The following PRELID2 variants were observed in gnomAD, a reference collection of about 807,000 sequenced individuals.
The protein encoded by PRELID2 is PRELI domain-containing protein 2.
PRELID2 carries 25 observed loss-of-function variants against 28.4 expected under a neutral mutation model. That is an observed-to-expected ratio of 0.88 (90% confidence interval 0.64 to 1.23). PRELID2 has a LOEUF of 1.23. PRELID2 is among the 50% of genes most tolerant of loss of function. PRELID2 has a pLI of 0.00. For synonymous variants in PRELID2, 76 were observed against 71.6 expected, an observed-to-expected ratio of 1.06 and a Z score of -0.31; for missense variants, 201 against 214.4, an observed-to-expected ratio of 0.94 and a Z score of 0.39.
intron 1 of PRELID2, among the ~76,000 whole-genome samples, chr5:145,597,786 C>T (rs1561514830): frequency 1.3e-5 from 2 of 152,112 alleles, no homozygotes; most frequent in East Asian, 1.9e-4. Flanking sequence ...CATACTGCAC[C>T]TGCAAGATTT....
At chr5:145,444,560 G>T in the PRELID2 span, among the ~76,000 whole-genome samples, 1 of 151,942 alleles carries the variant, frequency 6.6e-6, no homozygotes, top group Admixed American at 6.6e-5. Flanking sequence ...TATTTGCACT[G>T]CCACTGCTCT....
the PRELID2 span, among the ~76,000 whole-genome samples, chr5:145,348,795 T>C: frequency 6.6e-6 from 1 of 152,120 alleles, no homozygotes; most frequent in Non-Finnish European, 1.5e-5. Context: ...CAATGTTGAT[T>C]TTGTGTGTAA....
At chr5:145,636,242 TAAG>T (rs145674095) in intron 1 of PRELID2, among the ~76,000 whole-genome samples, 3,059 of 152,300 alleles carry the variant, frequency 0.02, 107 homozygotes, top group African/African-American at 0.07. Context: ...GTCACTCAGC[TAAG>T]AAGTAGAAGA....
chr5:145,340,153 G>T, the PRELID2 span, among the ~76,000 whole-genome samples: 1 of 151,962 alleles, frequency 6.6e-6, no homozygotes, highest in Non-Finnish European at 1.5e-5. Context: ...CCAAATACTC[G>T]AGCATCCAAC....
chr5:145,451,292 C>T, the PRELID2 span, among the ~76,000 whole-genome samples: 1 of 152,100 alleles, frequency 6.6e-6, no homozygotes, highest in South Asian at 2.1e-4. Context: ...CTCCAACCCC[C>T]TAGCCTACCA....
chr5:145,665,263 T>G (rs1444660863), intron 1 of PRELID2, among the ~76,000 whole-genome samples: 1 of 152,088 alleles, frequency 6.6e-6, no homozygotes, highest in Non-Finnish European at 1.5e-5. Flanking sequence ...CTGAATTGTC[T>G]GGAAGAGCAG....
intron 1 of PRELID2, among the ~76,000 whole-genome samples, chr5:145,662,190 C>A (rs2149677832): frequency 6.6e-6 from 1 of 152,124 alleles, no homozygotes; most frequent in African/African-American, 2.4e-5. Context: ...ATGGGCCAAC[C>A]ATTCCTAGCT....
chr5:145,610,703 A>G (rs1372506032), intron 1 of PRELID2, among the ~76,000 whole-genome samples: 1 of 152,110 alleles, frequency 6.6e-6, no homozygotes, highest in Admixed American at 6.5e-5. Context: ...GCAGGTGTAG[A>G]AAAACAACTG....
the PRELID2 span, among the ~76,000 whole-genome samples, chr5:145,319,799 T>G: frequency 6.6e-6 from 1 of 152,216 alleles, no homozygotes; most frequent in African/African-American, 2.4e-5. Flanking sequence ...TTCTTGAAGC[T>G]GAGCACAACT....
intron 1 of PRELID2, among the ~76,000 whole-genome samples, chr5:145,525,788 G>C (rs1228244557): frequency 6.6e-6 from 1 of 152,154 alleles, no homozygotes; most frequent in Non-Finnish European, 1.5e-5. Context: ...ATTTATACTG[G>C]GGTTTGGAAT....
intron 1 of PRELID2, among the ~76,000 whole-genome samples, chr5:145,612,355 A>C (rs1335846645): frequency 6.6e-6 from 1 of 152,214 alleles, no homozygotes; most frequent in Non-Finnish European, 1.5e-5. Context: ...AAACCACAGA[A>C]TAGGAGAAAA....
the PRELID2 span, among the ~76,000 whole-genome samples, chr5:145,261,431 TC>T: frequency 6.6e-6 from 1 of 152,132 alleles, no homozygotes; most frequent in East Asian, 1.9e-4. Context: ...TCCACTTCAT[TC>T]CCCCACTACC....
intron 1 of PRELID2, among the ~76,000 whole-genome samples, chr5:145,498,707 TTTTTG>T (rs754460260): frequency 6.6e-6 from 1 of 151,976 alleles, no homozygotes; most frequent in Non-Finnish European, 1.5e-5. Flanking sequence ...GTATTTTTGT[TTTTTG>T]TTTTGTTTTG....
intron 1 of PRELID2, among the ~76,000 whole-genome samples, chr5:145,489,615 T>C (rs749762909): frequency 9.2e-5 from 14 of 152,180 alleles, no homozygotes; most frequent in Non-Finnish European, 1.6e-4. Flanking sequence ...CTCTTAGAAC[T>C]GAGCCACCCA....
the PRELID2 span, among the ~76,000 whole-genome samples, chr5:145,276,808 T>C: frequency 3.3e-5 from 5 of 152,192 alleles, no homozygotes; most frequent in South Asian, 2.1e-4. Context: ...AAAGTTCATA[T>C]GGAGTTGGGC....
chr5:145,300,155 G>A, the PRELID2 span, among the ~76,000 whole-genome samples: 1 of 151,974 alleles, frequency 6.6e-6, no homozygotes, highest in East Asian at 1.9e-4. Flanking sequence ...TCTTTGACCA[G>A]TTCTAGCCAT....
At chr5:145,662,053 C>T (rs1391005815) in intron 1 of PRELID2, among the ~76,000 whole-genome samples, 3 of 151,878 alleles carry the variant, frequency 2.0e-5, no homozygotes, top group South Asian at 2.1e-4. Flanking sequence ...CATTTTTCCC[C>T]AGCTACAATT....
chr5:145,815,950 G>A (rs576829999), intron 4 of PRELID2, among the ~76,000 whole-genome samples: 99 of 151,802 alleles, frequency 6.5e-4, no homozygotes, highest in Non-Finnish European at 1.3e-3. Flanking sequence ...GTAATTCTAC[G>A]TTTAACTTTT....
the PRELID2 span, among the ~76,000 whole-genome samples, chr5:145,274,252 C>A: frequency 2.0e-5 from 3 of 152,038 alleles, no homozygotes; most frequent in African/African-American, 7.2e-5. Flanking sequence ...GGTGTATGAT[C>A]CCTTCTTTTT....
Sources: gnomAD v4.1 joint callset for allele counts (sites outside exome capture counted in the v4.1 genomes callset) on GRCh38, gnomAD v4.1.1 for gene constraint, MANE v1.5 for transcripts, NCBI Gene and HGNC (gene_info 2026-07-23, HGNC 2026-07-21) for gene names.